RBL2: variants seen among roughly 807,000 people sequenced by gnomAD.
RBL2 encodes the protein RB transcriptional corepressor like 2.
Under a neutral mutation model 126.0 loss-of-function variants are expected in RBL2, and 56 were observed. That is an observed-to-expected ratio of 0.44 (90% CI 0.36 to 0.56). The LOEUF (loss-of-function observed/expected upper bound fraction) is 0.56, where lower values mean the gene tolerates loss of function less well. RBL2 is among the 20% of genes least tolerant of loss of function. The pLI is 0.00. For synonymous variants in RBL2, 454 were observed against 478.5 expected, an observed-to-expected ratio of 0.95 and a Z score of 0.67; for missense variants, 1,229 against 1,398.2, an observed-to-expected ratio of 0.88 and a Z score of 1.93.
At chr16:53,443,438 C>G (rs1459778722) in intron 3 of RBL2, 1 of 152,068 alleles carries the variant, frequency 6.6e-6, no homozygotes, top group Admixed American at 6.6e-5. Flanking sequence ...GAAATGACTT[C>G]TCTATGTATT....
At chr16:53,474,596 G>A (rs1330035935) in intron 17 of RBL2, among the ~76,000 whole-genome samples, 6 of 152,328 alleles carry the variant, frequency 3.9e-5, no homozygotes, top group Non-Finnish European at 5.9e-5. Context: ...GATTATAGGC[G>A]TGAGCCACGG....
intron 9 of RBL2, among the ~76,000 whole-genome samples, chr16:53,461,315 A>G (rs1039526095): frequency 2.6e-5 from 4 of 152,164 alleles, no homozygotes; most frequent in African/African-American, 9.7e-5. Flanking sequence ...CAACATGGTG[A>G]AACCCCATCT....
At chr16:53,451,898 T>C (rs2058118633) in intron 5 of RBL2, 67 bp downstream of exon 5, 1 of 1,551,696 alleles carries the variant, frequency 6.4e-7, no homozygotes, top group South Asian at 1.1e-5. Flanking sequence ...CTTGGAGTTG[T>C]ACAGGTTTCC....
chr16:53,441,556 A>G (rs1055617875), intron 2 of RBL2, among the ~76,000 whole-genome samples: 10 of 152,380 alleles, frequency 6.6e-5, no homozygotes, highest in Non-Finnish European at 1.2e-4. Context: ...AATATATCTT[A>G]CATATCAACA....
chr16:53,450,069 C>CT (rs779752483), intron 4 of RBL2, among the ~76,000 whole-genome samples: 117 of 148,686 alleles, frequency 7.9e-4, no homozygotes, highest in Non-Finnish European at 1.4e-3. Flanking sequence ...TACTTACTTC[C>CT]TTTTTTACAC....
intron 14 of RBL2, among the ~76,000 whole-genome samples, chr16:53,468,751 TTCTATG>T (rs1567739792): frequency 6.6e-6 from 1 of 152,180 alleles, no homozygotes; most frequent in African/African-American, 2.4e-5. Flanking sequence ...CTTACAAACT[TTCTATG>T]TATATTTTAA....
rs2057986420 is a variant in RBL2 at position 53,438,997 on chromosome 16, ATTTTC to A, written c.241-9_241-5del. The A allele has an allele frequency of 3.9e-6, 6 of 1,521,778 alleles. No individual in the cohort carries two copies. The highest frequency in any genetic ancestry group is 5.3e-6 in the Non-Finnish European group (6 of 1,133,002). 94.3% of individuals were successfully genotyped at this position (1,521,778 alleles called of 1,614,324 possible). ...TATGTAGCTTTTTAACTAAAAATCAATTTTCTTTTCTTTTACAGGGAAATGATCTT... is the reference window on the plus strand; with the variant it reads ...TATGTAGCTTTTTAACTAAAAATCAATTTTCTTTTACAGGGAAATGATCTT... On this transcript the variant is annotated splice_polypyrimidine_tract_variant and intron_variant, in intron 1 of 21. Transcript: ENST00000262133.
At chr16:53,472,416 G>A (rs894167295) in intron 17 of RBL2, among the ~76,000 whole-genome samples, 1 of 152,110 alleles carries the variant, frequency 6.6e-6, no homozygotes, top group Non-Finnish European at 1.5e-5. Flanking sequence ...CCACATCCTT[G>A]CCAACTTATT....
At position 53,439,194 on chromosome 16, in the gene RBL2, A is replaced by C. The variant is rs747757140; in HGVS notation, c.371+48A>C. 28 of 1,445,610 alleles carry C rather than the reference A, an allele frequency of 1.9e-5. No individual in the cohort carries two copies. The South Asian group carries it at 3.5e-4, about 18-fold the overall frequency. The allele number at this position is 1,445,610 out of a possible 1,614,324, so 89.5% of individuals were successfully genotyped here. ...AGTAGAGTATGGCTAATGTAAGCTC[A>C]TAAATCATAGTGATAGTAAGAATTA... is the stretch of plus-strand genomic sequence containing the variant. On this transcript the variant is annotated intron_variant, in intron 2 of 21. Transcript: ENST00000262133.
intron 3 of RBL2, among the ~76,000 whole-genome samples, chr16:53,444,907 C>G (rs961676355): frequency 1.3e-5 from 2 of 152,170 alleles, no homozygotes; most frequent in Non-Finnish European, 2.9e-5. Context: ...TGTACTGAGT[C>G]TGAGTGAGGC....
Position 53,479,137 on chromosome 16 carries a change from C to G in RBL2, c.2704-17C>G, listed in dbSNP as rs1960843325. ...GGTAGTTGCCATGTCTCTCAGAGCA[C>G]TCTTATTGTTTGCCAGGTCACAAAA... On this transcript the variant is annotated splice_polypyrimidine_tract_variant and intron_variant, in intron 17 of 21. Transcript: ENST00000262133. 6.2e-7 allele frequency: 1 copy of G among 1,602,036 alleles called. No individual in the cohort carries two copies. Among genetic ancestry groups the G allele is most frequent in the African/African-American group, 1.3e-5 (1 of 74,568 alleles).
intron 10 of RBL2, among the ~76,000 whole-genome samples, chr16:53,462,295 A>G (rs1041794115): frequency 1.3e-5 from 2 of 152,184 alleles, no homozygotes; most frequent in African/African-American, 4.8e-5. Flanking sequence ...TAGAGGAAAA[A>G]AAAGGGTGTT....
At chr16:53,452,442 A>G (rs964542855) in intron 5 of RBL2, among the ~76,000 whole-genome samples, 1 of 152,194 alleles carries the variant, frequency 6.6e-6, no homozygotes, top group African/African-American at 2.4e-5. Context: ...TAATATTGTA[A>G]TAGGATTCTG....
intron 7 of RBL2, chr16:53,454,216 G>GT (rs987539105): frequency 4.6e-5 from 21 of 453,396 alleles, no homozygotes; most frequent in African/African-American, 3.2e-4. Context: ...GTTTTGTTTT[G>GT]TTTTTTGAGA....
rs1960643177 is a variant in RBL2 at position 53,474,404 on chromosome 16, C to T, written c.2703+3482C>T. 5.9e-5 allele frequency among the ~76,000 whole-genome samples: 9 copies of T among 152,110 alleles called. No individual in the cohort carries two copies. The South Asian group carries it at 1.4e-3, about 24-fold the overall frequency. On this transcript the variant is annotated intron_variant, in intron 17 of 21. Transcript: ENST00000262133. Reference sequence around the variant, plus strand: ...AGATCTTGGCTCACCGCAACCTCCGCCTCCCAGGTTCAAGCAATTCTCCTG... The same window carrying T: ...AGATCTTGGCTCACCGCAACCTCCGTCTCCCAGGTTCAAGCAATTCTCCTG...
Position 53,434,517 on chromosome 16 carries a change from C to CCCTCA in RBL2, c.-31_-27dup, listed in dbSNP as rs2057933998. On this transcript the variant is annotated 5_prime_UTR_variant, in exon 1 of 22. An upstream open reading frame in the 5' UTR loses its in-frame stop. Transcript: ENST00000262133. ...CCGTTTGAATGGCTGCGGGCCCGGG[C>CCCTCA]CCTCACCTCACCTGAGGTCCGGCCG... The CCCTCA allele has an allele frequency of 7.2e-7, 1 of 1,389,288 alleles. No homozygotes were observed. The highest frequency in any genetic ancestry group is 9.3e-7 in the Non-Finnish European group (1 of 1,077,528). 86.1% of individuals were successfully genotyped at this position (1,389,288 alleles called of 1,614,324 possible).
chr16:53,443,648 A>G (rs2058036532), intron 3 of RBL2, among the ~76,000 whole-genome samples: 1 of 152,212 alleles, frequency 6.6e-6, no homozygotes, highest in South Asian at 2.1e-4. Flanking sequence ...AAGTTTTTTC[A>G]TAAAGTAGAA....
intron 17 of RBL2, among the ~76,000 whole-genome samples, chr16:53,473,149 T>G (rs1960588007): frequency 6.6e-6 from 1 of 152,036 alleles, no homozygotes; most frequent in East Asian, 1.9e-4. Flanking sequence ...TGCTCCTACT[T>G]TTTTTTTCTT....
At chr16:53,481,315 T>C (rs1960936840) in intron 20 of RBL2, 1 of 219,042 alleles carries the variant, frequency 4.6e-6, no homozygotes, top group Admixed American at 5.4e-5. Context: ...ACAGGCTACA[T>C]GGGTTCAAAT....
Sources: gnomAD v4.1 joint callset for allele counts (sites outside exome capture counted in the v4.1 genomes callset) on GRCh38, gnomAD v4.1.1 for gene constraint, MANE v1.5 for transcripts, NCBI Gene and HGNC (gene_info 2026-07-23, HGNC 2026-07-21) for gene names.